Variants in KCNB2 observed in about 807,000 individuals in gnomAD.
KCNB2 encodes the protein potassium voltage-gated channel subfamily B member 2.
Under a neutral mutation model 61.5 loss-of-function variants are expected in KCNB2, and 15 were observed. That is an observed-to-expected ratio of 0.24 (90% confidence interval 0.16 to 0.38). KCNB2 has a LOEUF of 0.38. Among genes scored for constraint, KCNB2 ranks in the 10% least tolerant of loss-of-function variants. The pLI is 1.00. For synonymous variants in KCNB2, 457 were observed against 446.0 expected, an observed-to-expected ratio of 1.02 and a Z score of -0.31; for missense variants, 828 against 1,125.2, an observed-to-expected ratio of 0.74 and a Z score of 3.78.
At chr8:72,799,854 A>G (rs1325668700) in intron 2 of KCNB2, among the ~76,000 whole-genome samples, 1 of 152,158 alleles carries the variant, frequency 6.6e-6, no homozygotes, top group Non-Finnish European at 1.5e-5. Context: ...GGCTGTGTTC[A>G]ATATGAGCCC....
chr8:72,759,352 G>C (rs1808341098), intron 2 of KCNB2, among the ~76,000 whole-genome samples: 1 of 152,132 alleles, frequency 6.6e-6, no homozygotes, highest in South Asian at 2.1e-4. Flanking sequence ...ATATCTTAAT[G>C]GGAATTTATG....
rs1424924704 is a variant in KCNB2, at chr8:72,936,354, T to C, written c.999T>C (p.Asn333=). The change falls in exon 3 of 3, where the codon AAT becomes AAC. Residue 333 remains asparagine (N), a synonymous_variant. Transcript: ENST00000523207. The surrounding 1 kb of genome is among the most constrained non-coding windows in gnomAD (Gnocchi z 5.6). ...SLGFTLRRSY[N]ELGLLILFLA... is the part of the protein sequence containing the mutation. ...GTTTCACCCTTAGGCGGAGTTACAA[T>C]GAATTGGGCTTGTTGATATTGTTTC... The C allele has an allele frequency of 6.2e-7, 1 of 1,614,230 alleles. No individual in the cohort carries two copies. Among genetic ancestry groups the C allele is most frequent in the African/African-American group, 1.3e-5 (1 of 75,056 alleles).
chr8:72,558,419 A>C (rs1218565102), intron 1 of KCNB2, among the ~76,000 whole-genome samples: 1 of 152,194 alleles, frequency 6.6e-6, no homozygotes, highest in Non-Finnish European at 1.5e-5. Context: ...CTTCTAACCC[A>C]CTGAAGCAGG....
intron 2 of KCNB2, among the ~76,000 whole-genome samples, chr8:72,616,846 G>A (rs536710525): frequency 6.6e-6 from 1 of 152,210 alleles, no homozygotes; most frequent in East Asian, 1.9e-4. Context: ...AATATAATAG[G>A]CACAGTTTTC....
At chr8:72,760,536 C>G (rs1208599655) in intron 2 of KCNB2, among the ~76,000 whole-genome samples, 2 of 152,122 alleles carry the variant, frequency 1.3e-5, no homozygotes, top group Non-Finnish European at 2.9e-5. Flanking sequence ...GCACTCAGGC[C>G]CCATCCCAGA....
chr8:72,831,632 G>A (rs549958933), intron 2 of KCNB2, among the ~76,000 whole-genome samples: 123 of 152,270 alleles, frequency 8.1e-4, no homozygotes, highest in Middle Eastern at 3.4e-3. Flanking sequence ...ACATTTATAT[G>A]TTTTCAATTA....
chr8:72,684,189 A>G (rs890065428), intron 2 of KCNB2, among the ~76,000 whole-genome samples: 1 of 152,202 alleles, frequency 6.6e-6, no homozygotes, highest in African/African-American at 2.4e-5. Flanking sequence ...ATGAAGAAGA[A>G]TTAGGATTCT....
At chr8:72,686,412 A>G (rs1806854510) in intron 2 of KCNB2, among the ~76,000 whole-genome samples, 1 of 152,078 alleles carries the variant, frequency 6.6e-6, no homozygotes. Flanking sequence ...CAGTGGCACA[A>G]TCATAGCTTA....
intron 2 of KCNB2, among the ~76,000 whole-genome samples, chr8:72,629,794 G>A (rs1805850545): frequency 6.6e-6 from 1 of 152,198 alleles, no homozygotes; most frequent in African/African-American, 2.4e-5. Context: ...GTGAGAGTGA[G>A]CATGAAACAG....
chr8:72,561,691 T>TTA (rs1172254677), intron 1 of KCNB2, among the ~76,000 whole-genome samples: 418 of 19,374 alleles, frequency 0.022, 7 homozygotes, highest in Middle Eastern at 0.067. Flanking sequence ...GATCTTACTT[T>TTA]TATATATATA....
intron 2 of KCNB2, among the ~76,000 whole-genome samples, chr8:72,887,001 G>A (rs1301151856): frequency 6.6e-6 from 1 of 152,116 alleles, no homozygotes; most frequent in African/African-American, 2.4e-5. Flanking sequence ...TTTGCTTCTG[G>A]GTGCCAAACT....
rs138050824 is a variant in KCNB2 at position 72,630,704 on chromosome 8, A to G, written c.579+62391A>G. The stretch of plus-strand genomic sequence containing the variant: ...ATAACAAACAGACTAGACTTTAGCT[A>G]TGTTCTTCTTAATTGCCCAAATTAG... On this transcript the variant is annotated intron_variant, in intron 2 of 2. Transcript: ENST00000523207. 1.6e-3 allele frequency among the ~76,000 whole-genome samples: 249 copies of G among 152,324 alleles called. 6 individuals are homozygous for G. Among genetic ancestry groups the G allele is most frequent in the African/African-American group, 5.6e-3 (233 of 41,574 alleles).
intron 2 of KCNB2, among the ~76,000 whole-genome samples, chr8:72,699,999 G>A (rs13276976): frequency 0.41 from 63,012 of 152,008 alleles, 15,235 homozygotes; most frequent in Non-Finnish European, 0.57. Context: ...ATACACCAAG[G>A]AATACTATGC....
At chr8:72,605,002 T>G (rs1216414632) in intron 2 of KCNB2, among the ~76,000 whole-genome samples, 1 of 152,212 alleles carries the variant, frequency 6.6e-6, no homozygotes, top group Non-Finnish European at 1.5e-5. Context: ...CAGTCTTGCT[T>G]AGAATATTTT....
At chr8:72,641,128 G>C (rs923117072) in intron 2 of KCNB2, among the ~76,000 whole-genome samples, 1 of 151,956 alleles carries the variant, frequency 6.6e-6, no homozygotes, top group African/African-American at 2.4e-5. Flanking sequence ...ACCACCCCAG[G>C]TTCCCTCTTT....
At chr8:72,545,969 C>G (rs896518734) in intron 1 of KCNB2, among the ~76,000 whole-genome samples, 7 of 152,248 alleles carry the variant, frequency 4.6e-5, no homozygotes, top group African/African-American at 1.7e-4. Flanking sequence ...TAATCCAGAA[C>G]AAGACCTTAA....
At chr8:72,741,050 AAG>A (rs1807949738) in intron 2 of KCNB2, among the ~76,000 whole-genome samples, 1 of 152,220 alleles carries the variant, frequency 6.6e-6, no homozygotes, top group Non-Finnish European at 1.5e-5. Context: ...TACTAAAATG[AAG>A]AGTTTTCTCT....
intron 2 of KCNB2, among the ~76,000 whole-genome samples, chr8:72,926,792 C>G (rs1225378910): frequency 6.6e-6 from 1 of 152,158 alleles, no homozygotes; most frequent in Non-Finnish European, 1.5e-5. Flanking sequence ...AATGTATCCC[C>G]TTCTTTCCCT....
At chr8:72,855,905 C>T (rs937687115) in intron 2 of KCNB2, among the ~76,000 whole-genome samples, 4 of 152,172 alleles carry the variant, frequency 2.6e-5, no homozygotes, top group Admixed American at 2.6e-4. Flanking sequence ...CCTATGCACA[C>T]CCTCCCATAT....
Sources: allele counts gnomAD v4.1 joint callset (sites outside exome capture counted in the v4.1 genomes callset), GRCh38; gene constraint gnomAD v4.1.1; non-coding constraint Gnocchi (gnomAD v3.1); transcripts MANE v1.5; gene names NCBI Gene and HGNC (gene_info 2026-07-23, HGNC 2026-07-21).